FAN1: variants seen among roughly 807,000 people sequenced by gnomAD.
FAN1 encodes the protein fanconi-associated nuclease 1.
Under a neutral mutation model 104.9 loss-of-function variants are expected in FAN1, and 91 were observed. The observed-to-expected ratio is 0.87, with a 90% confidence interval of 0.73 to 1.03. The LOEUF is 1.03. Among genes scored for constraint, FAN1 ranks in the 50% least tolerant of loss-of-function variants. The pLI is 0.00. For missense variants in FAN1, 1,263 were observed against 1,239.9 expected (o/e 1.02, Z -0.28); for synonymous variants, 478 against 457.6 (o/e 1.04, Z -0.57).
chr15:30,941,214 G>A, intron 14 of FAN1: 1 of 1,386,734 alleles, frequency 7.2e-7, no homozygotes, highest in Non-Finnish European at 9.5e-7. Context: ...AAATGTAGCA[G>A]ACAACATGAA....
At chr15:30,906,231 A>G (rs767976295) in intron 2 of FAN1, 1 of 442,778 alleles carries the variant, frequency 2.3e-6, no homozygotes, top group Non-Finnish European at 4.3e-6. Context: ...AGAAAAGCAT[A>G]CTTTGCATTT....
chr15:30,915,712 T>C (rs2062185710), intron 5 of FAN1, among the ~76,000 whole-genome samples: 1 of 152,192 alleles, frequency 6.6e-6, no homozygotes, highest in Admixed American at 6.5e-5. Context: ...CATAAATATG[T>C]GCAATTTTAT....
Position 30,930,446 on chromosome 15 carries a change from A to G in FAN1, c.2788-97A>G. On this transcript the variant is annotated intron_variant, in intron 12 of 14. Coordinates refer to ENST00000362065, the MANE Select transcript of FAN1 (RefSeq NM_014967.5). ...CTGGGGTCCATGTGCACTGAATTAC[A>G]TATACACTGAGCTTTTCTCCGTCTC... 2 of 1,423,760 alleles carry G rather than the reference A, an allele frequency of 1.4e-6. 1 individual carries two copies. Among genetic ancestry groups the G allele is most frequent in the South Asian group, 2.9e-5 (2 of 69,896 alleles). The allele number at this position is 1,423,760 out of a possible 1,614,324, so 88.2% of individuals were successfully genotyped here.
chr15:30,910,732 C>T lies in FAN1; in HGVS notation c.1494C>T (p.Asp498=), dbSNP rs199855919. 1.6e-4 allele frequency: 253 copies of T among 1,614,062 alleles called. No homozygotes were observed. The highest frequency in any genetic ancestry group is 3.8e-4 in the Admixed American group (23 of 60,020). Residue 498 remains aspartate, a synonymous_variant, in exon 4 of 15, where the codon GAC becomes GAT. Coordinates refer to ENST00000362065, the MANE Select transcript of FAN1 (RefSeq NM_014967.5). ...ATGGACAGAAACAGCAGCTGGTGGA[C>T]GCCTTTCTCAAATTGGCCAAACAGC... is the stretch of plus-strand genomic sequence containing the variant. ...NPNGQKQQLV[D]AFLKLAKQRS...
chr15:30,905,295 A>C lies in FAN1; in HGVS notation c.632A>C (p.Gln211Pro). The change falls in exon 2 of 15, where the codon CAA becomes CCA. Residue 211 changes from glutamine (Q) to proline (P), a missense_variant. By Grantham distance (76) the Gln-to-Pro change is moderately conservative. This residue lies in a region of FAN1 where 682 missense variants were observed against 571.1 expected (regional missense o/e 1.19). Transcript: ENST00000362065. ...GATCAAATTTTGGAGAACAGTTCTC[A>C]AAAAGAAAACGTGTTTAAATGTGAT... ...DEDQILENSS[Q>P]KENVFKCDSL... 1.2e-6 allele frequency: 2 copies of C among 1,614,060 alleles called. No homozygotes were observed. Among genetic ancestry groups the C allele is most frequent in the Non-Finnish European group, 1.7e-6 (2 of 1,180,014 alleles).
In FAN1 at chr15:30,939,066, G is replaced by T. The variant is rs1555405179; in HGVS notation, c.*3+1807G>T. The stretch of plus-strand genomic sequence containing the variant: ...TCAAGTCATCAATTTTAGGCACAAA[G>T]GTTTTAGTTTTCTCGGGAAATCAAG... On this transcript the variant is annotated intron_variant, in intron 14 of 14. Coordinates refer to ENST00000362065, the MANE Select transcript of FAN1 (RefSeq NM_014967.5). The T allele has an allele frequency of 1.3e-5, 13 of 985,284 alleles. No individual in the cohort carries two copies. The South Asian group carries it at 6.1e-4, about 46-fold the overall frequency. The allele number at this position is 985,284 out of a possible 1,614,324, so 61.0% of individuals were successfully genotyped here. A position where few individuals can be genotyped will look rare whatever the true frequency, so the allele number is the denominator to read the frequency against.
At chr15:30,936,320 AG>A (rs2062851363) in intron 13 of FAN1, among the ~76,000 whole-genome samples, 1 of 152,192 alleles carries the variant, frequency 6.6e-6, no homozygotes, top group Non-Finnish European at 1.5e-5. Flanking sequence ...TGTCAAGAAC[AG>A]GGAGAAATGT....
At chr15:30,941,201 C>A in intron 14 of FAN1, 2 of 1,362,466 alleles carry the variant, frequency 1.5e-6, no homozygotes, top group Non-Finnish European at 1.9e-6. Flanking sequence ...TGGATGGAGA[C>A]AAAAATGTAG....
chr15:30,907,780 C>T (rs530102626), intron 2 of FAN1, among the ~76,000 whole-genome samples: 2 of 152,268 alleles, frequency 1.3e-5, no homozygotes, highest in African/African-American at 4.8e-5. Flanking sequence ...TGAAGCTAGA[C>T]ATTTTTTTTG....
chr15:30,905,833 AGAT>A lies in FAN1; in HGVS notation c.1174_1176del (p.Asp392del), dbSNP rs1330909572. ...TGCTGAAAACCGTACTTGAGAATGA[AGAT>A]GATATGTTGCTCTTTGATGAGCAGG... On this transcript the variant is annotated inframe_deletion, in exon 2 of 15. Coordinates refer to ENST00000362065, the MANE Select transcript of FAN1 (RefSeq NM_014967.5). 3 of 1,614,040 alleles carry A rather than the reference AGAT, an allele frequency of 1.9e-6. No individual in the cohort carries two copies. Among genetic ancestry groups the A allele is most frequent in the African/African-American group, 2.7e-5 (2 of 74,938 alleles).
chr15:30,937,068 CT>C (rs1274258068), intron 13 of FAN1, 50 bp from the exon 14 acceptor site: 1 of 1,501,882 alleles, frequency 6.7e-7, no homozygotes, highest in African/African-American at 1.4e-5. Flanking sequence ...ACTTGAATGG[CT>C]TTTCATTCAG....
Position 30,905,389 on chromosome 15 carries a change from A to G in FAN1, c.726A>G (p.Gln242=), listed in dbSNP as rs2061952823. 2 of 1,614,036 alleles carry G rather than the reference A, an allele frequency of 1.2e-6. No individual in the cohort carries two copies. Among genetic ancestry groups the G allele is most frequent in the South Asian group, 1.1e-5 (1 of 91,088 alleles). Reference sequence around the variant, plus strand: ...GTAAAATAATGGAAGCCGAAAGCCAAAAGGCTACCCGGGAATGTGAGAAAT... The same window carrying G: ...GTAAAATAATGGAAGCCGAAAGCCAGAAGGCTACCCGGGAATGTGAGAAAT... The part of the protein sequence containing the change: ...RGSKIMEAES[Q]KATRECEKSA... The change falls in exon 2 of 15, where the codon CAA becomes CAG. Residue 242 remains glutamine, a synonymous_variant. Transcript: ENST00000362065.
At chr15:30,913,087 T>G (rs2062131711) in intron 4 of FAN1, among the ~76,000 whole-genome samples, 1 of 152,194 alleles carries the variant, frequency 6.6e-6, no homozygotes, top group Non-Finnish European at 1.5e-5. Context: ...TAACTGTCCA[T>G]TGCCTGTTAG....
chr15:30,914,362 A>G (rs1428444864), intron 5 of FAN1, among the ~76,000 whole-genome samples: 1 of 151,992 alleles, frequency 6.6e-6, no homozygotes. Flanking sequence ...GGAAGGGAGT[A>G]TTTTTTGTTT....
intron 10 of FAN1, chr15:30,927,255 TC>T (rs2062487650): frequency 1.0e-6 from 1 of 985,454 alleles, no homozygotes; most frequent in South Asian, 4.7e-5. Context: ...GCCTTTATAT[TC>T]CTGCCTGATC....
chr15:30,937,309 G>A, intron 14 of FAN1, 50 bp downstream of exon 14: 1 of 1,523,674 alleles, frequency 6.6e-7, no homozygotes, highest in Admixed American at 2.1e-5. Flanking sequence ...ATTTTCAAGA[G>A]TATAAAACAT....
At chr15:30,913,615 G>A (rs941646594) in intron 4 of FAN1, among the ~76,000 whole-genome samples, 3 of 152,204 alleles carry the variant, frequency 2.0e-5, no homozygotes, top group Admixed American at 1.3e-4. Flanking sequence ...CCAACCTACT[G>A]TGCAGCCGAG....
Position 30,914,086 on chromosome 15 carries a change from T to TA in FAN1, c.1807dup (p.Ile603AsnfsTer12). 6.2e-7 allele frequency: 1 copy of TA among 1,606,500 alleles called. No homozygotes were observed. The highest frequency in any genetic ancestry group is 8.5e-7 in the Non-Finnish European group (1 of 1,173,062). The stretch of plus-strand genomic sequence containing the variant: ...ACATCTTCCAAGACAGAGATGATCT[T>TA]ATCAGGTAAGATGATGTTAGCTCAC... On this transcript the variant is annotated frameshift_variant, in exon 5 of 15. Coordinates refer to ENST00000362065, the MANE Select transcript of FAN1 (RefSeq NM_014967.5). LOFTEE classifies it high-confidence loss of function.
At position 30,928,662 on chromosome 15, in the gene FAN1, C is replaced by G. The variant is rs368345932; in HGVS notation, c.2592+6C>G. 1.2e-6 allele frequency: 2 copies of G among 1,613,790 alleles called. No individual in the cohort carries two copies. The highest frequency in any genetic ancestry group is 2.7e-5 in the African/African-American group (2 of 74,894). ...TCTTCAGAAACGCCTGTCAGGTACT[C>G]CAGTGCCCCTGCCCCACGAGTAGGT... On this transcript the variant is annotated splice_donor_region_variant and intron_variant, in intron 11 of 14. Transcript: ENST00000362065.
Sources: gnomAD v4.1 joint callset for allele counts (sites outside exome capture counted in the v4.1 genomes callset) on GRCh38, gnomAD v4.1.1 for gene constraint, gnomAD v4.1.1 regional missense constraint, MANE v1.5 for transcripts, NCBI Gene and HGNC (gene_info 2026-07-23, HGNC 2026-07-21) for gene names.